The following ATXN7L1 variants were observed in gnomAD, a reference collection of about 807,000 sequenced individuals.
ATXN7L1 encodes the protein ataxin 7 like 1, also known as ataxin-7-like protein 1.
Under a neutral mutation model 70.8 loss-of-function variants are expected in ATXN7L1, and 15 were observed. That is an observed-to-expected ratio of 0.21 (90% CI 0.14 to 0.33). The LOEUF (loss-of-function observed/expected upper bound fraction) is 0.33. Among genes scored for constraint, ATXN7L1 ranks in the 10% least tolerant of loss-of-function variants. The pLI is 1.00. For synonymous variants in ATXN7L1, 440 were observed against 445.1 expected, an observed-to-expected ratio of 0.99 and a Z score of 0.14; for missense variants, 975 against 1,097.1, an observed-to-expected ratio of 0.89 and a Z score of 1.57.
intron 3 of ATXN7L1, among the ~76,000 whole-genome samples, chr7:105,779,419 T>G (rs1803221081): frequency 6.6e-6 from 1 of 152,238 alleles, no homozygotes; most frequent in African/African-American, 2.4e-5. Context: ...TTAACTTTAA[T>G]TTGAGCAGTA....
chr7:105,631,860 G>A (rs1706918), intron 7 of ATXN7L1, among the ~76,000 whole-genome samples: 15,497 of 152,274 alleles, frequency 0.1, 886 homozygotes, highest in South Asian at 0.25. Context: ...CAGGCTCAGC[G>A]CAGAGTAGGA....
chr7:105,866,499 G>A (rs1817496129), intron 2 of ATXN7L1, among the ~76,000 whole-genome samples: 1 of 152,188 alleles, frequency 6.6e-6, no homozygotes, highest in Non-Finnish European at 1.5e-5. Flanking sequence ...GCCAGGTCTA[G>A]CCCCTGAATA....
chr7:105,729,518 C>T (rs1374079451), intron 3 of ATXN7L1, among the ~76,000 whole-genome samples: 1 of 151,194 alleles, frequency 6.6e-6, no homozygotes, highest in African/African-American at 2.4e-5. Context: ...CAATCTCTGC[C>T]TCCTGGGTTC....
intron 3 of ATXN7L1, among the ~76,000 whole-genome samples, chr7:105,712,491 A>T (rs758678374): frequency 1.3e-5 from 2 of 152,192 alleles, no homozygotes; most frequent in Admixed American, 6.5e-5. Flanking sequence ...GCACATGAGC[A>T]TATACTTTTA....
intron 2 of ATXN7L1, among the ~76,000 whole-genome samples, chr7:105,829,334 G>A (rs1563126791): frequency 1.3e-5 from 2 of 152,040 alleles, no homozygotes; most frequent in Non-Finnish European, 2.9e-5. Context: ...TCCCAGCTAC[G>A]CGGGAGGCTG....
At chr7:105,684,568 C>A (rs925274976) in intron 3 of ATXN7L1, among the ~76,000 whole-genome samples, 1 of 152,240 alleles carries the variant, frequency 6.6e-6, no homozygotes, top group African/African-American at 2.4e-5. Context: ...TGCCAAGCTG[C>A]AAATCCACAG....
intron 2 of ATXN7L1, among the ~76,000 whole-genome samples, chr7:105,811,184 G>A (rs184908403): frequency 6.6e-5 from 10 of 152,264 alleles, no homozygotes; most frequent in East Asian, 3.9e-4. Flanking sequence ...TATGACTGGC[G>A]TCCTTATACG....
intron 3 of ATXN7L1, among the ~76,000 whole-genome samples, chr7:105,764,014 CA>C (rs1800907716): frequency 6.6e-6 from 1 of 151,978 alleles, no homozygotes; most frequent in African/African-American, 2.4e-5. Context: ...CCACCATGCC[CA>C]GCTAATTTTT....
chr7:105,724,738 A>G (rs1365718912), intron 3 of ATXN7L1, among the ~76,000 whole-genome samples: 1 of 151,618 alleles, frequency 6.6e-6, no homozygotes, highest in Non-Finnish European at 1.5e-5. Flanking sequence ...GATTGTGGCT[A>G]TATCACTGTC....
chr7:105,804,604 T>C (rs1005397263), intron 2 of ATXN7L1, among the ~76,000 whole-genome samples: 2 of 152,160 alleles, frequency 1.3e-5, no homozygotes, highest in African/African-American at 2.4e-5. Flanking sequence ...TAGACTATGA[T>C]AGACCCTTAA....
chr7:105,837,010 G>T (rs967462188), intron 2 of ATXN7L1, among the ~76,000 whole-genome samples: 1 of 152,180 alleles, frequency 6.6e-6, no homozygotes, highest in African/African-American at 2.4e-5. Context: ...TACTGACATT[G>T]CTCGGCTTCT....
In ATXN7L1 at chr7:105,661,587, A is replaced by C. The variant is rs1479236526; in HGVS notation, c.578+3479T>G. The stretch of plus-strand genomic sequence containing the variant: ...GAGGCAGGGCCCAGACTTGAATTTG[A>C]TTTTCTTACTCCTAGCTCAGTACAG... On this transcript the variant is annotated intron_variant, in intron 4 of 11. Coordinates refer to ENST00000419735, the MANE Select transcript of ATXN7L1 (RefSeq NM_020725.2). Among the ~76,000 whole-genome samples the C allele has an allele frequency of 2.0e-5, 3 of 152,098 alleles. No homozygotes were observed. The South Asian group carries it at 6.2e-4, about 32-fold the overall frequency.
At chr7:105,656,062 C>T (rs1285582519) in intron 4 of ATXN7L1, among the ~76,000 whole-genome samples, 1 of 152,226 alleles carries the variant, frequency 6.6e-6, no homozygotes, top group East Asian at 1.9e-4. Flanking sequence ...GGGAGGAAAT[C>T]CTCCTCCTAC....
rs185468310 is a variant in ATXN7L1 at position 105,862,183 on chromosome 7, C to T, written c.250+13629G>A. 4.9e-3 allele frequency among the ~76,000 whole-genome samples: 742 copies of T among 152,262 alleles called. 3 individuals carry two copies. The highest frequency in any genetic ancestry group is 7.6e-3 in the Non-Finnish European group (515 of 68,006). Reference sequence around the variant, plus strand: ...GGCGTGGTGGCTGACTCCTGTAATCCCAGAACTGTGGGAGGCTGCAGTGGG... The same window carrying T: ...GGCGTGGTGGCTGACTCCTGTAATCTCAGAACTGTGGGAGGCTGCAGTGGG... On this transcript the variant is annotated intron_variant, in intron 2 of 11. Transcript: ENST00000419735.
At chr7:105,622,717 C>T (rs1795111901) in intron 8 of ATXN7L1, among the ~76,000 whole-genome samples, 1 of 152,158 alleles carries the variant, frequency 6.6e-6, no homozygotes, top group Non-Finnish European at 1.5e-5. Context: ...GCATGTGACC[C>T]ATTTCTGGTA....
intron 7 of ATXN7L1, among the ~76,000 whole-genome samples, chr7:105,636,051 C>T (rs1797305948): frequency 6.6e-6 from 1 of 152,132 alleles, no homozygotes. Context: ...GAAAAGAGCT[C>T]ACCCCTGAGT....
chr7:105,642,123 C>T (rs1798350584), intron 5 of ATXN7L1, among the ~76,000 whole-genome samples: 1 of 152,180 alleles, frequency 6.6e-6, no homozygotes, highest in South Asian at 2.1e-4. Flanking sequence ...AGTTCTACAG[C>T]AGATCGATCC....
intron 8 of ATXN7L1, among the ~76,000 whole-genome samples, chr7:105,621,628 G>C (rs896126454): frequency 2.0e-5 from 3 of 152,202 alleles, no homozygotes; most frequent in Non-Finnish European, 4.4e-5. Flanking sequence ...GCAACCGGAA[G>C]GCTAGCAGAC....
chr7:105,773,964 C>T (rs1233758341), intron 3 of ATXN7L1, among the ~76,000 whole-genome samples: 1 of 152,130 alleles, frequency 6.6e-6, no homozygotes, highest in Non-Finnish European at 1.5e-5. Context: ...TTTCTTGGCT[C>T]ACAAACATTA....
Sources: gnomAD v4.1 joint callset for allele counts (sites outside exome capture counted in the v4.1 genomes callset) on GRCh38, gnomAD v4.1.1 for gene constraint, MANE v1.5 for transcripts, NCBI Gene and HGNC (gene_info 2026-07-23, HGNC 2026-07-21) for gene names.